Variants in MYO10 observed in about 807,000 individuals in gnomAD.
The protein encoded by MYO10 is myosin X.
MYO10 carries 133 observed loss-of-function variants against 257.3 expected under a neutral mutation model. The observed-to-expected ratio is 0.52, with a 90% CI of 0.45 to 0.60. The LOEUF is 0.60. Ranked by LOEUF, MYO10 falls within the 20% of genes least tolerant of loss-of-function variation. The pLI is 0.00. For synonymous variants in MYO10, 1,104 were observed against 1,028.6 expected, an observed-to-expected ratio of 1.07 and a Z score of -1.40; for missense variants, 2,399 against 2,635.7, an observed-to-expected ratio of 0.91 and a Z score of 1.97.
intron 2 of MYO10, among the ~76,000 whole-genome samples, chr5:16,870,780 T>G (rs925772445): frequency 2.6e-5 from 4 of 151,998 alleles, no homozygotes; most frequent in Non-Finnish European, 5.9e-5. Flanking sequence ...TAATCCCAGC[T>G]ACTCAGGAGG....
Position 16,845,693 on chromosome 5 carries a change from C to T in MYO10, c.121-27526G>A, listed in dbSNP as rs143918113. On this transcript the variant is annotated intron_variant, in intron 2 of 40. Coordinates refer to ENST00000513610, the MANE Select transcript of MYO10 (RefSeq NM_012334.3). ...TTTAAAGATGAAAATAAGCTGGGCA[C>T]GGTGGCTCACACCTGTAATCTCAGT... is the stretch of plus-strand genomic sequence containing the variant. Among the ~76,000 whole-genome samples the T allele has an allele frequency of 3.7e-3, 567 of 152,122 alleles. 4 individuals carry two copies. The highest frequency in any genetic ancestry group is 0.013 in the African/African-American group (528 of 41,504).
intron 10 of MYO10, 76 bp downstream of exon 10, chr5:16,768,998 A>C: frequency 1.0e-5 from 15 of 1,472,958 alleles, no homozygotes; most frequent in Non-Finnish European, 1.3e-5. Context: ...CTGAAAGGCT[A>C]GACAGTCAAT....
intron 1 of MYO10, among the ~76,000 whole-genome samples, chr5:16,920,271 C>T (rs1044735520): frequency 6.6e-6 from 1 of 152,066 alleles, no homozygotes; most frequent in African/African-American, 2.4e-5. Context: ...ATGACTCCAT[C>T]TCAAAAAAGC....
chr5:16,748,253 G>GT (rs957586504), intron 19 of MYO10, among the ~76,000 whole-genome samples: 9 of 150,954 alleles, frequency 6.0e-5, no homozygotes, highest in East Asian at 1.9e-4. Context: ...TCTTTTTGAA[G>GT]TTTTTTTTTC....
At chr5:16,743,071 T>TA (rs781710494) in intron 19 of MYO10, among the ~76,000 whole-genome samples, 1 of 152,104 alleles carries the variant, frequency 6.6e-6, no homozygotes, top group East Asian at 1.9e-4. Flanking sequence ...AGTGAGCAGA[T>TA]ACTGTGTCAC....
intron 3 of MYO10, among the ~76,000 whole-genome samples, chr5:16,806,167 A>G (rs1742269973): frequency 6.6e-6 from 1 of 151,400 alleles, no homozygotes; most frequent in African/African-American, 2.4e-5. Context: ...CAACATGGCA[A>G]AACCCCATCT....
intron 4 of MYO10, among the ~76,000 whole-genome samples, chr5:16,786,633 C>T (rs1319564875): frequency 2.0e-5 from 3 of 151,946 alleles, no homozygotes; most frequent in Non-Finnish European, 2.9e-5. Context: ...GATGCTCGAC[C>T]AGTATAATGC....
At chr5:16,807,571 A>C (rs1173207296) in intron 3 of MYO10, among the ~76,000 whole-genome samples, 1 of 151,800 alleles carries the variant, frequency 6.6e-6, no homozygotes, top group Non-Finnish European at 1.5e-5. Context: ...GCACAGAGCC[A>C]TTCCTTCCTC....
At chr5:16,690,650 C>T (rs1218635562) in intron 27 of MYO10, among the ~76,000 whole-genome samples, 1 of 151,922 alleles carries the variant, frequency 6.6e-6, no homozygotes, top group South Asian at 2.1e-4. Flanking sequence ...AACCTCGGCC[C>T]GGCGTGAGCT....
At chr5:16,671,574 A>G (rs768939859) in intron 37 of MYO10, 32 bp from the exon 38 acceptor site, 1 of 1,613,616 alleles carries the variant, frequency 6.2e-7, no homozygotes, top group Non-Finnish European at 8.5e-7. Flanking sequence ...GGCTCAGAAT[A>G]TGAACGAGAA....
intron 24 of MYO10, 131 bp downstream of exon 24, chr5:16,702,412 A>G: frequency 3.4e-6 from 3 of 893,518 alleles, no homozygotes; most frequent in Non-Finnish European, 5.1e-6. Context: ...ATTGGATCAT[A>G]AACACATCCT....
intron 2 of MYO10, among the ~76,000 whole-genome samples, chr5:16,870,194 G>C (rs1051644625): frequency 1.4e-5 from 2 of 143,812 alleles, no homozygotes; most frequent in Non-Finnish European, 3.0e-5. Context: ...AGAATAAAAA[G>C]GAAAGGAAAA....
intron 2 of MYO10, among the ~76,000 whole-genome samples, chr5:16,831,158 A>C (rs1341879785): frequency 1.3e-5 from 2 of 152,170 alleles, no homozygotes; most frequent in Non-Finnish European, 2.9e-5. Context: ...GCAAATCAAA[A>C]CCACCATGTG....
chr5:16,854,883 T>C (rs1349181278), intron 2 of MYO10, among the ~76,000 whole-genome samples: 3 of 151,892 alleles, frequency 2.0e-5, no homozygotes, highest in African/African-American at 7.3e-5. Flanking sequence ...AATACAAAAA[T>C]TAGCCGGGCG....
At chr5:16,839,112 A>G (rs1743395584) in intron 2 of MYO10, among the ~76,000 whole-genome samples, 2 of 152,162 alleles carry the variant, frequency 1.3e-5, no homozygotes, top group South Asian at 4.2e-4. Flanking sequence ...TTGACTCTCA[A>G]GTCTTATTAT....
rs192619973 is a variant in MYO10 at position 16,928,420 on chromosome 5, C to G, written c.21+7368G>C. On this transcript the variant is annotated intron_variant, in intron 1 of 40. Coordinates refer to ENST00000513610, the MANE Select transcript of MYO10 (RefSeq NM_012334.3). ...TGTTGCCCAGGCTGGTCTCGAACTC[C>G]TGACCTCAGGTATCCACCTGCCTCG... Among the ~76,000 whole-genome samples, 703 of 152,292 alleles carry G rather than the reference C, an allele frequency of 4.6e-3. 7 individuals are homozygous for G. The highest frequency in any genetic ancestry group is 0.016 in the African/African-American group (651 of 41,560).
At position 16,806,836 on chromosome 5, in the gene MYO10, G is replaced by A. The variant is rs539292270; in HGVS notation, c.279+11173C>T. Reference sequence around the variant, plus strand: ...CCACAGCCCTGAAGAACCTCCCCTGGCACTGCTTCACTCCCCCGGGACTAA... The same window carrying A: ...CCACAGCCCTGAAGAACCTCCCCTGACACTGCTTCACTCCCCCGGGACTAA... On this transcript the variant is annotated intron_variant, in intron 3 of 40. Transcript: ENST00000513610. Among the ~76,000 whole-genome samples, 6 of 152,106 alleles carry A rather than the reference G, an allele frequency of 3.9e-5. No homozygotes were observed. In the South Asian group the frequency reaches 8.3e-4, roughly 21 times the overall value.
chr5:16,855,146 C>T (rs917900396), intron 2 of MYO10, among the ~76,000 whole-genome samples: 1 of 152,154 alleles, frequency 6.6e-6, no homozygotes, highest in African/African-American at 2.4e-5. Flanking sequence ...GCTGCTTTTC[C>T]TCTTGTAGCT....
chr5:16,780,641 T>C (rs758978691), intron 7 of MYO10, 33 bp from the exon 8 acceptor site: 26 of 1,550,970 alleles, frequency 1.7e-5, no homozygotes, highest in Admixed American at 3.8e-5. Context: ...TATTCAGAGA[T>C]GTGTCCTGTG....
Sources: allele counts gnomAD v4.1 joint callset (sites outside exome capture counted in the v4.1 genomes callset), GRCh38; gene constraint gnomAD v4.1.1; transcripts MANE v1.5; gene names NCBI Gene and HGNC (gene_info 2026-07-23, HGNC 2026-07-21).